Variants in EPB41L1 observed in about 807,000 individuals in gnomAD.
EPB41L1 encodes the protein erythrocyte membrane protein band 4.1 like 1.
In EPB41L1, 29 loss-of-function variants were observed where a neutral mutation model predicts 97.8. The observed-to-expected ratio is 0.30, with a 90% CI of 0.22 to 0.40. The LOEUF is 0.40. EPB41L1 is among the 10% of genes least tolerant of loss of function. EPB41L1 has a pLI of 1.00. For synonymous variants in EPB41L1, 383 were observed against 459.2 expected (o/e 0.83, Z 2.12); for missense variants, 812 against 1,162.3 (o/e 0.70, Z 4.38).
intron 14 of EPB41L1, among the ~76,000 whole-genome samples, chr20:36,199,490 C>T (rs2048537261): frequency 6.6e-6 from 1 of 152,238 alleles, no homozygotes; most frequent in Non-Finnish European, 1.5e-5. Context: ...ATGGCCTGAA[C>T]CTGCCAGATA....
At chr20:36,125,827 G>A (rs187994099) in intron 2 of EPB41L1, among the ~76,000 whole-genome samples, 31 of 152,248 alleles carry the variant, frequency 2.0e-4, no homozygotes, top group Admixed American at 1.5e-3. Flanking sequence ...ACCAGGAGAC[G>A]GATGGTAGTC....
At chr20:36,208,606 GC>G (rs1569325631) in intron 14 of EPB41L1, among the ~76,000 whole-genome samples, 2 of 152,224 alleles carry the variant, frequency 1.3e-5, no homozygotes. Context: ...GAATGTCTAA[GC>G]CCACTGAATC....
chr20:36,158,727 A>G (rs1245721310), intron 1 of EPB41L1, among the ~76,000 whole-genome samples: 9 of 152,184 alleles, frequency 5.9e-5, no homozygotes, highest in African/African-American at 2.2e-4. Flanking sequence ...TCATTCGTAA[A>G]ATGCAGATAA....
chr20:36,174,658 C>A (rs995449907), intron 2 of EPB41L1, among the ~76,000 whole-genome samples: 1 of 151,638 alleles, frequency 6.6e-6, no homozygotes, highest in African/African-American at 2.4e-5. Context: ...TCGAGTGATC[C>A]TCCCACCTTG....
chr20:36,120,170 A>G (rs1025291231), intron 2 of EPB41L1, among the ~76,000 whole-genome samples: 4 of 152,248 alleles, frequency 2.6e-5, no homozygotes, highest in African/African-American at 7.2e-5. Context: ...AGGCGTGGTT[A>G]TAAGTGATTC....
chr20:36,225,160 T>A (rs1337884986), intron 21 of EPB41L1, among the ~76,000 whole-genome samples: 1 of 152,224 alleles, frequency 6.6e-6, no homozygotes, highest in Non-Finnish European at 1.5e-5. Flanking sequence ...GTAGTTCACA[T>A]TCTATTTCTA....
Position 36,201,689 on chromosome 20 carries a change from C to G in EPB41L1, c.1668+3648C>G, listed in dbSNP as rs7270638. Among the ~76,000 whole-genome samples the G allele has an allele frequency of 2.7e-3, 407 of 152,266 alleles. 1 individual carries two copies. Among genetic ancestry groups the G allele is most frequent in the African/African-American group, 9.5e-3 (393 of 41,554 alleles). ...ATGAGGAGGCCATTGCTTCTATGCCCAGGGCGGCAGCAAGTGGAGGGCTCT... is the reference window on the plus strand; with the variant it reads ...ATGAGGAGGCCATTGCTTCTATGCCGAGGGCGGCAGCAAGTGGAGGGCTCT... On this transcript the variant is annotated intron_variant, in intron 14 of 21. Coordinates refer to ENST00000338074, the MANE Select transcript of EPB41L1 (RefSeq NM_012156.2).
At chr20:36,197,612 A>G (rs1021842467) in intron 13 of EPB41L1, 1 of 984,834 alleles carries the variant, frequency 1.0e-6, no homozygotes, top group Non-Finnish European at 1.2e-6. Flanking sequence ...GGAGAAGCGA[A>G]GGTGGCTTGA....
intron 1 of EPB41L1, among the ~76,000 whole-genome samples, chr20:36,108,050 A>T (rs1248241012): frequency 1.3e-5 from 2 of 151,832 alleles, no homozygotes; most frequent in East Asian, 3.9e-4. Flanking sequence ...TGGCATGATC[A>T]TAGCTCACTG....
intron 1 of EPB41L1, among the ~76,000 whole-genome samples, chr20:36,105,503 C>A (rs1025425521): frequency 1.3e-5 from 2 of 152,158 alleles, no homozygotes; most frequent in Non-Finnish European, 2.9e-5. Context: ...CTTTACCCAC[C>A]CCCCTTAATT....
intron 2 of EPB41L1, among the ~76,000 whole-genome samples, chr20:36,134,852 CTTTTTTTTTTT>C (rs764236552): frequency 1.2e-3 from 130 of 107,658 alleles, no homozygotes; most frequent in African/African-American, 4.3e-3. Context: ...TTTTCTCTGT[CTTTTTTTTTTT>C]TTTTTTTTTT....
intron 5 of EPB41L1, among the ~76,000 whole-genome samples, chr20:36,181,551 G>A (rs578214206): frequency 2.0e-4 from 30 of 152,204 alleles, no homozygotes; most frequent in East Asian, 3.9e-4. Flanking sequence ...TTCTGGTCTT[G>A]TTTATAATCC....
Position 36,209,279 on chromosome 20 carries a change from A to G in EPB41L1, c.1669-209A>G, listed in dbSNP as rs2062993666. ...CAGTGTGAGACCCTCAGAAAGGGGC[A>G]TCTCCACTCTTGAGTCGTTTTTGTT... On this transcript the variant is annotated intron_variant, in intron 14 of 21. Transcript: ENST00000338074. This position sits in a 1 kb window ranked among gnomAD's most constrained non-coding sequence, Gnocchi z 4.2. Among the ~76,000 whole-genome samples the G allele has an allele frequency of 6.6e-6, 1 of 152,102 alleles. No individual in the cohort carries two copies. The highest frequency in any genetic ancestry group is 2.4e-5 in the African/African-American group (1 of 41,412).
At chr20:36,153,937 C>T (rs1176117864), upstream of EPB41L1, among the ~76,000 whole-genome samples, 4 of 152,154 alleles carry the variant, frequency 2.6e-5, no homozygotes, top group Admixed American at 2.6e-4. Context: ...GCTGCTTGGC[C>T]AGCCCCTGCC....
intron 2 of EPB41L1, among the ~76,000 whole-genome samples, chr20:36,124,287 A>C (rs192119586): frequency 3.9e-3 from 594 of 152,194 alleles, no homozygotes; most frequent in Non-Finnish European, 6.4e-3. Context: ...CAAAAAACCC[A>C]AAAAACACAA....
chr20:36,191,474 G>A (rs1295623028), intron 11 of EPB41L1, among the ~76,000 whole-genome samples: 2 of 152,078 alleles, frequency 1.3e-5, no homozygotes, highest in African/African-American at 2.4e-5. Context: ...CACAAACCAC[G>A]TTTCATCAGA....
intron 11 of EPB41L1, among the ~76,000 whole-genome samples, chr20:36,193,475 G>A (rs143765933): frequency 1.3e-3 from 200 of 152,256 alleles, no homozygotes; most frequent in African/African-American, 4.6e-3. Context: ...TTTTAAACCC[G>A]TGTTTTTCAG....
At chr20:36,129,116 G>A (rs1355029853) in intron 2 of EPB41L1, among the ~76,000 whole-genome samples, 2 of 152,044 alleles carry the variant, frequency 1.3e-5, no homozygotes, top group African/African-American at 4.8e-5. Context: ...CAAAGAGGCT[G>A]AGGGATGGGC....
At chr20:36,109,227 G>A in intron 1 of EPB41L1, among the ~76,000 whole-genome samples, 1 of 152,124 alleles carries the variant, frequency 6.6e-6, no homozygotes, top group East Asian at 1.9e-4. Flanking sequence ...GATTACAGGT[G>A]TGAGCCACTG....
Sources: gnomAD v4.1 joint callset for allele counts (sites outside exome capture counted in the v4.1 genomes callset) on GRCh38, gnomAD v4.1.1 for gene constraint, Gnocchi (gnomAD v3.1) non-coding constraint, MANE v1.5 for transcripts, NCBI Gene and HGNC (gene_info 2026-07-23, HGNC 2026-07-21) for gene names.